Variants in NCOR1 observed in about 807,000 individuals in gnomAD.
The protein encoded by NCOR1 is protein phosphatase 1, regulatory subunit 109.
NCOR1 carries 63 observed loss-of-function variants against 288.1 expected under a neutral mutation model. The ratio of observed to expected loss-of-function variants is 0.22; its 90% CI spans 0.18 to 0.27. The LOEUF (loss-of-function observed/expected upper bound fraction) is 0.27, where lower values mean the gene tolerates loss of function less well. Ranked by LOEUF, NCOR1 falls within the 10% of genes least tolerant of loss-of-function variation. The probability of loss-of-function intolerance (pLI) is 1.00; values close to 1 mark genes in which losing one functional copy is unlikely to be tolerated. For synonymous variants in NCOR1, 1,007 were observed against 1,065.9 expected, an observed-to-expected ratio of 0.94 and a Z score of 1.08; for missense variants, 2,397 against 3,019.2, an observed-to-expected ratio of 0.79 and a Z score of 4.83.
chr17:16,197,836 T>C (rs1321055807), intron 1 of NCOR1, among the ~76,000 whole-genome samples: 1 of 152,032 alleles, frequency 6.6e-6, no homozygotes, highest in Non-Finnish European at 1.5e-5. Context: ...GAAATAAATA[T>C]TATATGTAGG....
intron 1 of NCOR1, among the ~76,000 whole-genome samples, chr17:16,208,338 G>A (rs868040115): frequency 5.3e-5 from 8 of 150,412 alleles, no homozygotes; most frequent in Admixed American, 1.3e-4. Context: ...GATTACAGGC[G>A]TGAGCCACCA....
At chr17:16,171,655 A>T in intron 4 of NCOR1, 148 bp downstream of exon 4, 2 of 599,224 alleles carry the variant, frequency 3.3e-6, no homozygotes, top group Non-Finnish European at 5.1e-6. Flanking sequence ...TGTGGTTTCT[A>T]GTTTTGTTTA....
intron 10 of NCOR1, 39 bp from the exon 11 acceptor site, chr17:16,143,735 C>A: frequency 7.0e-7 from 1 of 1,433,262 alleles, no homozygotes; most frequent in South Asian, 1.2e-5. Context: ...ATTTAAAGAC[C>A]TTATATAAAG....
intron 14 of NCOR1, among the ~76,000 whole-genome samples, chr17:16,129,804 A>G (rs992283381): frequency 6.6e-6 from 1 of 152,238 alleles, no homozygotes; most frequent in South Asian, 2.1e-4. Context: ...GAACGTAAGG[A>G]AAGAAATTCA....
intron 9 of NCOR1, among the ~76,000 whole-genome samples, chr17:16,147,175 C>T (rs1476682250): frequency 6.6e-6 from 1 of 152,148 alleles, no homozygotes; most frequent in Non-Finnish European, 1.5e-5. Flanking sequence ...CTTTGGGAGG[C>T]CAAGGCAGGT....
At chr17:16,145,987 T>C (rs1460158776) in intron 10 of NCOR1, among the ~76,000 whole-genome samples, 2 of 152,178 alleles carry the variant, frequency 1.3e-5, no homozygotes, top group Non-Finnish European at 1.5e-5. Flanking sequence ...TGTTAATCTA[T>C]AACCTTACCC....
intron 32 of NCOR1, 101 bp downstream of exon 32, chr17:16,067,793 G>C: frequency 8.9e-7 from 1 of 1,127,328 alleles, no homozygotes; most frequent in Non-Finnish European, 1.2e-6. Context: ...GTACATTAAT[G>C]ATATTTGCAA....
intron 22 of NCOR1, among the ~76,000 whole-genome samples, chr17:16,088,380 G>A (rs1044417114): frequency 6.6e-6 from 1 of 151,938 alleles, no homozygotes; most frequent in African/African-American, 2.4e-5. Context: ...TTATATATAT[G>A]AGTTTATATA....
At chr17:16,173,558 A>T (rs1461739811) in intron 3 of NCOR1, among the ~76,000 whole-genome samples, 3 of 152,222 alleles carry the variant, frequency 2.0e-5, no homozygotes, top group Non-Finnish European at 4.4e-5. Flanking sequence ...TCGAAGTTGG[A>T]GGATACAAAA....
Position 16,121,794 on chromosome 17 carries a change from G to A in NCOR1, c.1635-525C>T, listed in dbSNP as rs75498762. Reference sequence around the variant, plus strand: ...AATCAGACTCAATACTCTAAATCATGTCTGATACTAATTATGTACAAATTG... The same window carrying A: ...AATCAGACTCAATACTCTAAATCATATCTGATACTAATTATGTACAAATTG... On this transcript the variant is annotated intron_variant, in intron 15 of 45. Transcript: ENST00000268712. 7.7e-3 allele frequency among the ~76,000 whole-genome samples: 1,166 copies of A among 152,268 alleles called. 19 individuals carry two copies. The highest frequency in any genetic ancestry group is 0.05 in the East Asian group (257 of 5,186).
At position 16,033,187 on chromosome 17, in the gene NCOR1, T is replaced by A. The variant is rs1482409812; in HGVS notation, c.7136-704A>T. Among the ~76,000 whole-genome samples the A allele has an allele frequency of 2.0e-5, 3 of 151,846 alleles. No homozygotes were observed. The East Asian group carries it at 5.8e-4, about 29-fold the overall frequency. ...ATGGAGAAACCCCATCTTACAAAAT[T>A]AGCCGGGTGTGGTGGTGCATGCCTG... On this transcript the variant is annotated intron_variant, in intron 45 of 45. Coordinates refer to ENST00000268712, the MANE Select transcript of NCOR1 (RefSeq NM_006311.4).
rs565338387 is a variant in NCOR1, at chr17:16,157,706, G to A, written c.732+1054C>T. Among the ~76,000 whole-genome samples the A allele has an allele frequency of 4.2e-3, 632 of 150,864 alleles. 7 individuals carry two copies. The highest frequency in any genetic ancestry group is 0.015 in the African/African-American group (608 of 41,450). Reference sequence around the variant, plus strand: ...GCTAAAAACCCTATTCTATCCCACAGTATAAAGCATATTATCATTTTTTGC... The same window carrying A: ...GCTAAAAACCCTATTCTATCCCACAATATAAAGCATATTATCATTTTTTGC... On this transcript the variant is annotated intron_variant, in intron 6 of 45. Coordinates refer to ENST00000268712, the MANE Select transcript of NCOR1 (RefSeq NM_006311.4).
intron 5 of NCOR1, among the ~76,000 whole-genome samples, chr17:16,160,421 T>C (rs1439954361): frequency 1.3e-5 from 2 of 152,036 alleles, no homozygotes; most frequent in African/African-American, 2.4e-5. Flanking sequence ...CCTAAGATGA[T>C]AAAAGAAAAA....
rs75675001 is a variant in NCOR1, at chr17:16,039,706, A to G, written c.6734-52T>C. The G allele has an allele frequency of 4.9e-3, 7,410 of 1,502,452 alleles. 321 individuals carry two copies. The African/African-American group carries it at 0.088, about 18-fold the overall frequency. 93.1% of individuals were successfully genotyped at this position (1,502,452 alleles called of 1,614,324 possible). On this transcript the variant is annotated intron_variant, in intron 43 of 45. Coordinates refer to ENST00000268712, the MANE Select transcript of NCOR1 (RefSeq NM_006311.4). ...CTTATTTCTGAAAGGCCAATCAGGA[A>G]ACAAACATGCATTGCCCCATCAGCC...
intron 11 of NCOR1, 64 bp from the exon 12 acceptor site, chr17:16,139,250 A>G: frequency 7.2e-7 from 1 of 1,390,806 alleles, no homozygotes; most frequent in East Asian, 2.4e-5. Flanking sequence ...AGGGCCATGG[A>G]CCAATGCTCT....
intron 43 of NCOR1, 25 bp downstream of exon 43, chr17:16,040,416 G>T: frequency 6.2e-7 from 1 of 1,608,854 alleles, no homozygotes; most frequent in Non-Finnish European, 8.5e-7. Context: ...TTTTGTATTG[G>T]TAAATAATGT....
intron 40 of NCOR1, among the ~76,000 whole-genome samples, chr17:16,050,096 T>G (rs887273971): frequency 9.9e-5 from 15 of 151,998 alleles, no homozygotes; most frequent in Admixed American, 7.2e-4. Context: ...GGTGGCCCAT[T>G]TTTAATTTTT....
chr17:16,054,070 T>TAAAAAAAAAAA (rs752015595), intron 40 of NCOR1, among the ~76,000 whole-genome samples: 28 of 72,096 alleles, frequency 3.9e-4, no homozygotes, highest in African/African-American at 6.8e-4. Context: ...GACTTAAATG[T>TAAAAAAAAAAA]AAAAAAAAAA....
Position 16,180,468 on chromosome 17 carries a change from G to A in NCOR1, c.242+6086C>T, listed in dbSNP as rs149542818. On this transcript the variant is annotated intron_variant, in intron 3 of 45. Coordinates refer to ENST00000268712, the MANE Select transcript of NCOR1 (RefSeq NM_006311.4). ...AAATCACCACCTCATAAAGATATCT[G>A]GGGTGGGCTCAGTGGTTCATGCTTA... Among the ~76,000 whole-genome samples, 26 of 152,236 alleles carry A rather than the reference G, an allele frequency of 1.7e-4. No individual in the cohort carries two copies. In the East Asian group the frequency reaches 3.1e-3, roughly 18 times the overall value.
Sources: allele counts gnomAD v4.1 joint callset (sites outside exome capture counted in the v4.1 genomes callset), GRCh38; gene constraint gnomAD v4.1.1; transcripts MANE v1.5; gene names NCBI Gene and HGNC (gene_info 2026-07-23, HGNC 2026-07-21).